Variants in PPP2R2A observed in about 807,000 individuals in gnomAD.
PPP2R2A encodes serine/threonine-protein phosphatase 2A 55 kDa regulatory subunit B alpha isoform.
Under a neutral mutation model 53.2 loss-of-function variants are expected in PPP2R2A, and 9 were observed. The ratio of observed to expected loss-of-function variants is 0.17; its 90% CI spans 0.10 to 0.30. The LOEUF is 0.30. Ranked by LOEUF, PPP2R2A falls within the 10% of genes least tolerant of loss-of-function variation. The probability of loss-of-function intolerance (pLI) is 1.00; values close to 1 mark genes in which losing one functional copy is unlikely to be tolerated. For synonymous variants in PPP2R2A, 169 were observed against 174.2 expected (o/e 0.97, Z 0.23); for missense variants, 235 against 534.6 (o/e 0.44, Z 5.53).
chr8:26,328,875 T>A (rs1803226642), intron 2 of PPP2R2A, among the ~76,000 whole-genome samples: 1 of 152,222 alleles, frequency 6.6e-6, no homozygotes, highest in African/African-American at 2.4e-5. Context: ...TATGTTATGA[T>A]AATCTCATTA....
At chr8:26,306,948 T>A (rs1802053171) in intron 2 of PPP2R2A, among the ~76,000 whole-genome samples, 1 of 152,250 alleles carries the variant, frequency 6.6e-6, no homozygotes, top group Admixed American at 6.5e-5. Context: ...GTTTCTTATA[T>A]ATCATTCCAG....
chr8:26,360,296 A>G lies in PPP2R2A; in HGVS notation c.459+15A>G. The G allele has an allele frequency of 6.8e-7, 1 of 1,470,162 alleles. No homozygotes were observed. Among genetic ancestry groups the G allele is most frequent in the Non-Finnish European group, 9.4e-7 (1 of 1,063,564 alleles). 91.1% of individuals were successfully genotyped at this position (1,470,162 alleles called of 1,614,324 possible). On this transcript the variant is annotated intron_variant, in intron 5 of 9. Transcript: ENST00000380737. This position sits in a 1 kb window ranked among gnomAD's most constrained non-coding sequence, Gnocchi z 4.5. ...CTACACTACGAGTAAGTACATAAGA[A>G]AAAAATGTCACAGATAGTGCTTGTA...
At chr8:26,337,596 TTATG>T (rs1803731106) in intron 2 of PPP2R2A, among the ~76,000 whole-genome samples, 1 of 152,200 alleles carries the variant, frequency 6.6e-6, no homozygotes, top group Admixed American at 6.5e-5. Flanking sequence ...GTGTTTGGCT[TTATG>T]TACTAGCCCA....
At chr8:26,313,043 C>CTT (rs200047800) in intron 2 of PPP2R2A, among the ~76,000 whole-genome samples, 15 of 142,142 alleles carry the variant, frequency 1.1e-4, no homozygotes, top group South Asian at 2.3e-4. Flanking sequence ...TCTTTTTTTT[C>CTT]TTTTTTTTTT....
intron 3 of PPP2R2A, among the ~76,000 whole-genome samples, chr8:26,344,833 G>C (rs1019215322): frequency 1.3e-5 from 2 of 152,014 alleles, no homozygotes; most frequent in African/African-American, 4.8e-5. Flanking sequence ...TCTTATACAG[G>C]GTGAGTATCC....
chr8:26,350,851 C>T (rs527945873), intron 3 of PPP2R2A, among the ~76,000 whole-genome samples: 14 of 152,018 alleles, frequency 9.2e-5, no homozygotes, highest in African/African-American at 3.4e-4. Flanking sequence ...AACTCTTTTT[C>T]AGTTACATTT....
intron 2 of PPP2R2A, among the ~76,000 whole-genome samples, chr8:26,323,214 C>G (rs1283811478): frequency 6.6e-6 from 1 of 152,202 alleles, no homozygotes; most frequent in African/African-American, 2.4e-5. Flanking sequence ...AATTATATCT[C>G]CTTTTCCCTA....
chr8:26,292,191 T>TC (rs1801331241), intron 1 of PPP2R2A: 1 of 1,134,734 alleles, frequency 8.8e-7, no homozygotes, highest in South Asian at 3.4e-5. Context: ...GCCTTTATTT[T>TC]TTTTTCCTGC....
intron 2 of PPP2R2A, among the ~76,000 whole-genome samples, chr8:26,336,708 C>T (rs1803679294): frequency 6.6e-6 from 1 of 151,920 alleles, no homozygotes; most frequent in Non-Finnish European, 1.5e-5. Flanking sequence ...GAGACCCTGT[C>T]TCTACAAAAA....
intron 3 of PPP2R2A, 119 bp downstream of exon 3, chr8:26,339,106 A>G (rs1367260369): frequency 1.2e-5 from 9 of 745,434 alleles, no homozygotes; most frequent in Non-Finnish European, 1.8e-5. Flanking sequence ...TGTTTATTGA[A>G]TACAATGTCC....
At chr8:26,313,310 C>G (rs1802379816) in intron 2 of PPP2R2A, among the ~76,000 whole-genome samples, 1 of 152,150 alleles carries the variant, frequency 6.6e-6, no homozygotes, top group African/African-American at 2.4e-5. Context: ...GCTGGGATTA[C>G]AGGGATGAGC....
chr8:26,291,623 C>T lies in PPP2R2A; in HGVS notation c.-197C>T, dbSNP rs1384085041. ...GGAGAAAGAGCACGAGCGGGGAAGC[C>T]CCAGAGTGAAATCTAGCATCCTGCC... On this transcript the variant is annotated 5_prime_UTR_variant, in exon 1 of 10. Transcript: ENST00000380737. The T allele has an allele frequency of 3.3e-6, 2 of 601,786 alleles. No individual in the cohort carries two copies. Among genetic ancestry groups the T allele is most frequent in the East Asian group, 6.5e-5 (2 of 30,758 alleles). The allele number at this position is 601,786 out of a possible 1,614,324, so 37.3% of individuals were successfully genotyped here.
intron 9 of PPP2R2A, among the ~76,000 whole-genome samples, chr8:26,369,706 C>A (rs547895351): frequency 1.3e-5 from 2 of 152,240 alleles, no homozygotes; most frequent in South Asian, 4.1e-4. Context: ...AAATGTAAAT[C>A]ATAAGATAAA....
chr8:26,366,470 AG>A (rs1805381623), intron 9 of PPP2R2A, 64 bp downstream of exon 9: 1 of 1,275,996 alleles, frequency 7.8e-7, no homozygotes, highest in Non-Finnish European at 1.1e-6. Flanking sequence ...ATTTCATTCC[AG>A]GTCCTAACTT....
intron 2 of PPP2R2A, among the ~76,000 whole-genome samples, chr8:26,295,936 C>T (rs1323543065): frequency 6.6e-6 from 1 of 152,076 alleles, no homozygotes; most frequent in East Asian, 1.9e-4. Context: ...AGACTGATCT[C>T]TTCAACAGGT....
At chr8:26,300,072 A>G (rs1801712388) in intron 2 of PPP2R2A, among the ~76,000 whole-genome samples, 1 of 152,206 alleles carries the variant, frequency 6.6e-6, no homozygotes, top group African/African-American at 2.4e-5. Context: ...GTTTAGCATC[A>G]AATAGTTTTC....
chr8:26,370,430 A>G lies in PPP2R2A; in HGVS notation c.*17A>G. ...GTGAATTAGGGTTGGCATTCCTAGC[A>G]GAAGAACCCACTTCCTGCTTAGTTG... On this transcript the variant is annotated 3_prime_UTR_variant, in exon 10 of 10. Transcript: ENST00000380737. This position sits in a 1 kb window ranked among gnomAD's most constrained non-coding sequence, Gnocchi z 6.1. 1 of 1,610,338 alleles carries G rather than the reference A, an allele frequency of 6.2e-7. No individual in the cohort carries two copies. The highest frequency in any genetic ancestry group is 8.5e-7 in the Non-Finnish European group (1 of 1,177,064).
At position 26,291,750 on chromosome 8, in the gene PPP2R2A, A is replaced by T; in HGVS notation, c.-70A>T. ...CCGCCCTCTCTACCCCCCCATCCCC[A>T]GGTGAGGGGGGTGAGTTCAGGAAGC... On this transcript the variant is annotated 5_prime_UTR_variant, in exon 1 of 10. Transcript: ENST00000380737. 1.6e-6 allele frequency: 2 copies of T among 1,216,512 alleles called. No homozygotes were observed. Among genetic ancestry groups the T allele is most frequent in the African/African-American group, 1.9e-5 (1 of 53,812 alleles). 75.4% of individuals were successfully genotyped at this position (1,216,512 alleles called of 1,614,324 possible).
intron 2 of PPP2R2A, among the ~76,000 whole-genome samples, chr8:26,300,740 GCT>G (rs1024521386): frequency 6.6e-6 from 1 of 152,220 alleles, no homozygotes; most frequent in African/African-American, 2.4e-5. Flanking sequence ...TGTTGTCCCA[GCT>G]ACTCAGGCTG....
Sources: allele counts gnomAD v4.1 joint callset (sites outside exome capture counted in the v4.1 genomes callset), GRCh38; gene constraint gnomAD v4.1.1; non-coding constraint Gnocchi (gnomAD v3.1); transcripts MANE v1.5; gene names NCBI Gene and HGNC (gene_info 2026-07-23, HGNC 2026-07-21).